ATAD5: variants seen among roughly 807,000 people sequenced by gnomAD.
ATAD5 encodes the protein ATPase family AAA domain containing 5.
Under a neutral mutation model 176.9 loss-of-function variants are expected in ATAD5, and 58 were observed. The observed-to-expected ratio is 0.33, with a 90% confidence interval of 0.27 to 0.41. The LOEUF (loss-of-function observed/expected upper bound fraction) is 0.41, where lower values mean the gene tolerates loss of function less well. Ranked by LOEUF, ATAD5 falls within the 10% of genes least tolerant of loss-of-function variation. The probability of loss-of-function intolerance (pLI) is 1.00; values close to 1 mark genes in which losing one functional copy is unlikely to be tolerated. For synonymous variants in ATAD5, 640 were observed against 712.6 expected, an observed-to-expected ratio of 0.90 and a Z score of 1.62; for missense variants, 1,789 against 2,094.1, an observed-to-expected ratio of 0.85 and a Z score of 2.84.
intron 6 of ATAD5, among the ~76,000 whole-genome samples, chr17:30,847,389 G>T (rs1316950295): frequency 6.6e-6 from 1 of 152,028 alleles, no homozygotes; most frequent in Non-Finnish European, 1.5e-5. Flanking sequence ...GGAGTGCAGT[G>T]GCGCGATGTC....
In ATAD5 at chr17:30,844,769, A is replaced by AAAAG. The variant is rs1906384366; in HGVS notation, c.2369-61_2369-58dup. On this transcript the variant is annotated intron_variant, in intron 5 of 22. Coordinates refer to ENST00000321990, the MANE Select transcript of ATAD5 (RefSeq NM_024857.5). ...TCTCAAAAAAAAAAAAAAAAAAAAA[A>AAAAG]AAAGAAAGTAGCTGAAGGTGGAGAT... 1.3e-5 allele frequency: 13 copies of AAAAG among 1,036,342 alleles called. No individual in the cohort carries two copies. In the African/African-American group the frequency reaches 1.5e-4, roughly 12 times the overall value. 64.2% of individuals were successfully genotyped at this position (1,036,342 alleles called of 1,614,324 possible). A position where few individuals can be genotyped will look rare whatever the true frequency, so the allele number is the denominator to read the frequency against.
At position 30,893,694 on chromosome 17, in the gene ATAD5, G is replaced by A; in HGVS notation, c.4841G>A (p.Arg1614Lys). 1.2e-6 allele frequency: 2 copies of A among 1,613,484 alleles called. No homozygotes were observed. The highest frequency in any genetic ancestry group is 1.7e-6 in the Non-Finnish European group (2 of 1,179,770). ...SKTGDEESKA[R>K]DKGNNPETKK... ...ACCGGAGACGAAGAAAGCAAAGCCA[G>A]AGACAAAGGAAACAATCCAGAGACA... is the stretch of plus-strand genomic sequence containing the variant. The change falls in exon 21 of 23, where the codon AGA (arginine) becomes AAA (lysine). Residue 1614 changes from arginine to lysine, a missense_variant. This residue lies in a region of ATAD5 where 403 missense variants were observed against 495.1 expected (regional missense o/e 0.81). Coordinates refer to ENST00000321990, the MANE Select transcript of ATAD5 (RefSeq NM_024857.5).
chr17:30,890,759 C>T (rs1187489581), intron 19 of ATAD5, among the ~76,000 whole-genome samples: 3 of 151,594 alleles, frequency 2.0e-5, no homozygotes, highest in East Asian at 1.9e-4. Flanking sequence ...TTTTTATATA[C>T]ATTTCATCCC....
intron 10 of ATAD5, chr17:30,864,061 A>G (rs1907831395): frequency 1.3e-5 from 2 of 152,294 alleles, no homozygotes; most frequent in African/African-American, 4.8e-5. Context: ...TCGGCCTCCC[A>G]AAGTGCTGGG....
At chr17:30,856,596 C>T (rs548113760) in intron 7 of ATAD5, among the ~76,000 whole-genome samples, 2 of 152,198 alleles carry the variant, frequency 1.3e-5, no homozygotes, top group East Asian at 3.9e-4. Flanking sequence ...TTGCTGGTCT[C>T]GAACTCCTGA....
At position 30,851,698 on chromosome 17, in the gene ATAD5, T is replaced by A. The variant is rs553814695; in HGVS notation, c.2451-3445T>A. ...CCCGGGTTCAAGTGATTATCGTGCC[T>A]TAGCCTCCCAAGTAGCTGGGATTAC... On this transcript the variant is annotated intron_variant, in intron 6 of 22. Transcript: ENST00000321990. Among the ~76,000 whole-genome samples, 3 of 152,156 alleles carry A rather than the reference T, an allele frequency of 2.0e-5. No individual in the cohort carries two copies. In the South Asian group the frequency reaches 6.2e-4, roughly 32 times the overall value.
chr17:30,865,431 C>G (rs866138600), intron 10 of ATAD5, among the ~76,000 whole-genome samples: 10 of 152,070 alleles, frequency 6.6e-5, no homozygotes, highest in African/African-American at 2.2e-4. Flanking sequence ...CTCAGCCTCC[C>G]AAAGTGCTGG....
intron 10 of ATAD5, among the ~76,000 whole-genome samples, chr17:30,863,646 G>C (rs1194440742): frequency 6.8e-6 from 1 of 146,194 alleles, no homozygotes; most frequent in Non-Finnish European, 1.5e-5. Flanking sequence ...GATTACAGGC[G>C]TGAGCCACCG....
intron 14 of ATAD5, among the ~76,000 whole-genome samples, chr17:30,872,231 T>C (rs984712004): frequency 1.3e-5 from 2 of 152,176 alleles, no homozygotes; most frequent in African/African-American, 4.8e-5. Flanking sequence ...TCAGGTCTTT[T>C]AAACTGTAGT....
chr17:30,835,279 A>G lies in ATAD5; in HGVS notation c.1198A>G (p.Arg400Gly). The change falls in exon 2 of 23, where the codon AGA becomes GGA. Residue 400 changes from arginine to glycine, a missense_variant. Arg to Gly is a moderately radical substitution (Grantham distance 125). Transcript: ENST00000321990. ...GAAACCAAAATGCACTCTAGAAGAA[A>G]GACAGCAATTTATGAAAGCATTTAG... Reference protein sequence around the residue: ...AVKPKCTLEERQQFMKAFRQP... With the variant: ...AVKPKCTLEEGQQFMKAFRQP... The G allele has an allele frequency of 6.2e-7, 1 of 1,614,152 alleles. No individual in the cohort carries two copies. Among genetic ancestry groups the G allele is most frequent in the Non-Finnish European group, 8.5e-7 (1 of 1,180,010 alleles).
At chr17:30,850,102 C>T (rs1906777121) in intron 6 of ATAD5, among the ~76,000 whole-genome samples, 1 of 151,966 alleles carries the variant, frequency 6.6e-6, no homozygotes, top group Admixed American at 6.6e-5. Context: ...AATCATGCCA[C>T]TGCACTCCAG....
chr17:30,889,006 G>A (rs184591522), intron 19 of ATAD5, among the ~76,000 whole-genome samples: 76 of 149,572 alleles, frequency 5.1e-4, no homozygotes, highest in African/African-American at 1.9e-3. Flanking sequence ...GCTGCAGTGA[G>A]CCAAGATCGC....
chr17:30,866,620 G>C (rs1908001261), intron 11 of ATAD5, among the ~76,000 whole-genome samples: 1 of 151,580 alleles, frequency 6.6e-6, no homozygotes, highest in South Asian at 2.1e-4. Context: ...TTCGAGACCA[G>C]CCTGGCCAAC....
At chr17:30,882,210 C>T (rs71372242) in intron 18 of ATAD5, among the ~76,000 whole-genome samples, 2,316 of 149,898 alleles carry the variant, frequency 0.015, 33 homozygotes, top group Non-Finnish European at 0.023. Context: ...GAGCCAAGAT[C>T]GCGCCATTGC....
intron 17 of ATAD5, among the ~76,000 whole-genome samples, chr17:30,878,399 A>G (rs886748726): frequency 6.6e-5 from 10 of 151,950 alleles, no homozygotes; most frequent in African/African-American, 2.2e-4. Context: ...ATGGAACCCA[A>G]CCTTTCTGCT....
chr17:30,890,776 TA>T (rs879339296), intron 19 of ATAD5, among the ~76,000 whole-genome samples: 17 of 147,364 alleles, frequency 1.2e-4, no homozygotes, highest in Middle Eastern at 3.4e-3. Flanking sequence ...TCCCTGCCCT[TA>T]AAAAAAAAAC....
At chr17:30,868,497 CT>C (rs1428240187) in intron 12 of ATAD5, 85 bp downstream of exon 12, 1,428 of 657,034 alleles carry the variant, frequency 2.2e-3, no homozygotes, top group Non-Finnish European at 2.5e-3. Flanking sequence ...TATAAAATTT[CT>C]TTTTTTTTTA....
rs1190137442 is a variant in ATAD5, at chr17:30,834,689, A to C, written c.608A>C (p.Lys203Thr). 20 of 1,609,924 alleles carry C rather than the reference A, an allele frequency of 1.2e-5. No individual in the cohort carries two copies. Among genetic ancestry groups the C allele is most frequent in the Non-Finnish European group, 1.6e-5 (19 of 1,179,050 alleles). ...PKQGTTKNDF[K>T]KLRKRKCRDV... ...CAAGGGACCACAAAAAATGACTTCA[A>C]AAAGTTGAGAAAAAGGAAATGCAGA... The change falls in exon 2 of 23, where the codon AAA (lysine) becomes ACA (threonine). Residue 203 changes from lysine to threonine, a missense_variant. Lys to Thr is a moderately conservative substitution (Grantham distance 78). Coordinates refer to ENST00000321990, the MANE Select transcript of ATAD5 (RefSeq NM_024857.5).
At chr17:30,877,339 G>A (rs189796347) in intron 15 of ATAD5, 77 bp from the exon 16 acceptor site, 2 of 1,020,398 alleles carry the variant, frequency 2.0e-6, no homozygotes, top group Admixed American at 5.2e-5. Flanking sequence ...ATTTCAGTTT[G>A]AGCTTATTCT....
Sources: gnomAD v4.1 joint callset for allele counts (sites outside exome capture counted in the v4.1 genomes callset) on GRCh38, gnomAD v4.1.1 for gene constraint, gnomAD v4.1.1 regional missense constraint, MANE v1.5 for transcripts, NCBI Gene and HGNC (gene_info 2026-07-23, HGNC 2026-07-21) for gene names.